The following PCDHGA7 variants were observed in gnomAD, a reference collection of about 807,000 sequenced individuals.
The protein encoded by PCDHGA7 is protocadherin gamma subfamily A, 7.
A neutral mutation model predicts 58.3 loss-of-function variants in PCDHGA7; 44 were observed. That is an observed-to-expected ratio of 0.75 (90% confidence interval 0.59 to 0.97). The LOEUF is 0.97. PCDHGA7 is among the 50% of genes least tolerant of loss of function. The pLI, the probability that PCDHGA7 is intolerant of heterozygous loss-of-function variation, is 0.00. For missense variants in PCDHGA7, 1,266 were observed against 1,188.7 expected (o/e 1.06, Z -0.96); for synonymous variants, 516 against 504.2 (o/e 1.02, Z -0.31).
At chr5:141,440,501 A>G (rs2098183001) in intron 1 of PCDHGA7, 1 of 152,174 alleles carries the variant, frequency 6.6e-6, no homozygotes, top group African/African-American at 2.4e-5. Context: ...TCACATTAAT[A>G]TGGAGATTCA....
At chr5:141,415,747 T>G (rs774746065) in intron 1 of PCDHGA7, 22 of 797,580 alleles carry the variant, frequency 2.8e-5, no homozygotes, top group Middle Eastern at 5.1e-4. Context: ...AAGGTTTTTT[T>G]TTTTTTTTTT....
Position 141,490,027 on chromosome 5 carries a change from CG to C in PCDHGA7, c.2425-4779del. The C allele has an allele frequency of 6.2e-7, 1 of 1,614,214 alleles. No individual in the cohort carries two copies. Among genetic ancestry groups the C allele is most frequent in the Admixed American group, 1.7e-5 (1 of 60,032 alleles). On this transcript the variant is annotated intron_variant, in intron 1 of 3. Transcript: ENST00000518325. The surrounding 1 kb of genome is among the most constrained non-coding windows in gnomAD (Gnocchi z 5.4). Reference sequence around the variant, plus strand: ...TGCACCCATTGGTACTCTGCTGCTCCGCCTCAATGCCACTGATCCAGACGAG... The same window carrying C: ...TGCACCCATTGGTACTCTGCTGCTCCCCTCAATGCCACTGATCCAGACGAG...
chr5:141,395,716 T>C (rs2093303538), intron 1 of PCDHGA7: 1 of 154,332 alleles, frequency 6.5e-6, no homozygotes, highest in Non-Finnish European at 1.4e-5. Context: ...AACTAGGCTC[T>C]TGTAGATTTC....
chr5:141,486,474 C>G lies in PCDHGA7; in HGVS notation c.2425-8333C>G. ...ACTGCTTCTGATGCTGGGAACCCTC[C>G]TCTCAGTACCCACAGAACTATTTTC... On this transcript the variant is annotated intron_variant, in intron 1 of 3. Transcript: ENST00000518325. The surrounding 1 kb of genome is among the most constrained non-coding windows in gnomAD (Gnocchi z 5.0). The G allele has an allele frequency of 6.2e-7, 1 of 1,614,016 alleles. No individual in the cohort carries two copies. Among genetic ancestry groups the G allele is most frequent in the Non-Finnish European group, 8.5e-7 (1 of 1,179,822 alleles).
intron 3 of PCDHGA7, among the ~76,000 whole-genome samples, chr5:141,509,907 C>T (rs149338646): frequency 3.3e-5 from 5 of 152,182 alleles, no homozygotes; most frequent in South Asian, 2.1e-4. Context: ...TTCCAGCATG[C>T]GCTTAGGTAC....
chr5:141,425,714 A>G (rs1259037833), intron 1 of PCDHGA7, among the ~76,000 whole-genome samples: 1 of 152,218 alleles, frequency 6.6e-6, no homozygotes, highest in African/African-American at 2.4e-5. Context: ...AAATTTTCCC[A>G]TACCACTTGA....
chr5:141,476,741 A>G lies in PCDHGA7; in HGVS notation c.2425-18066A>G, dbSNP rs1430298222. On this transcript the variant is annotated intron_variant, in intron 1 of 3. Transcript: ENST00000518325. The surrounding 1 kb of genome is among the most constrained non-coding windows in gnomAD (Gnocchi z 7.6). ...CGCCCTGGACCGAGAACGGGAGCCT[A>G]GTCTCCAGTTAGTGCTGACGGCGTT... The G allele has an allele frequency of 6.2e-7, 1 of 1,613,936 alleles. No individual in the cohort carries two copies. Among genetic ancestry groups the G allele is most frequent in the Non-Finnish European group, 8.5e-7 (1 of 1,180,032 alleles).
At chr5:141,414,622 C>T in intron 1 of PCDHGA7, 1 of 1,613,956 alleles carries the variant, frequency 6.2e-7, no homozygotes. Context: ...AGCGCTGGAC[C>T]CGGACAGCAA....
rs773048793 is a variant in PCDHGA7, at chr5:141,505,456, A to T, written c.2547A>T (p.Gln849His). The T allele has an allele frequency of 1.3e-5, 21 of 1,614,110 alleles. No homozygotes were observed. The highest frequency in any genetic ancestry group is 1.7e-5 in the Non-Finnish European group (20 of 1,180,044). The change falls in exon 3 of 4, where the codon CAA becomes CAT. Residue 849 changes from glutamine (Q) to histidine (H), a missense_variant. By Grantham distance (24) the Gln-to-His change is conservative (BLOSUM62 0). Coordinates refer to ENST00000518325, the MANE Select transcript of PCDHGA7 (RefSeq NM_018920.4). ...ACCAGTTTGACACAGAGATGCTGCA[A>T]GCCATGATCTTGGCGTCCGCCAGTG... ...PNNQFDTEML[Q>H]AMILASASEA...
rs2099643895 is a variant in PCDHGA7 at position 141,487,385 on chromosome 5, C to T, written c.2425-7422C>T. 1.9e-6 allele frequency: 3 copies of T among 1,614,160 alleles called. No homozygotes were observed. The highest frequency in any genetic ancestry group is 1.1e-5 in the South Asian group (1 of 91,086). On this transcript the variant is annotated intron_variant, in intron 1 of 3. Transcript: ENST00000518325. This position sits in a 1 kb window ranked among gnomAD's most constrained non-coding sequence, Gnocchi z 5.0. Reference sequence around the variant, plus strand: ...CACCTGTGCCTGTCTCACCAGATCTCGAAGGAGGGAGGGGCTTCCCCCTTC... The same window carrying T: ...CACCTGTGCCTGTCTCACCAGATCTTGAAGGAGGGAGGGGCTTCCCCCTTC...
intron 1 of PCDHGA7, chr5:141,398,637 T>G: frequency 6.2e-7 from 1 of 1,614,026 alleles, no homozygotes; most frequent in Non-Finnish European, 8.5e-7. Context: ...TGCAGAAGTA[T>G]AAACTCTCTC....
At chr5:141,488,213 C>T (rs1261280988) in intron 1 of PCDHGA7, among the ~76,000 whole-genome samples, 1 of 152,118 alleles carries the variant, frequency 6.6e-6, no homozygotes, top group Non-Finnish European at 1.5e-5. Context: ...CATATCAAGT[C>T]CCTACTGGGG....
intron 2 of PCDHGA7, among the ~76,000 whole-genome samples, chr5:141,497,543 T>C (rs896069181): frequency 4.7e-5 from 7 of 149,068 alleles, no homozygotes; most frequent in Non-Finnish European, 9.0e-5. Context: ...AACAAACCTT[T>C]TTTTTTTTTT....
chr5:141,510,307 G>C (rs1250172295), intron 3 of PCDHGA7, among the ~76,000 whole-genome samples: 1 of 151,446 alleles, frequency 6.6e-6, no homozygotes, highest in African/African-American at 2.4e-5. Context: ...TTTTGAAATG[G>C]AGGCTTGGAA....
At chr5:141,453,087 T>G (rs2098755775) in intron 1 of PCDHGA7, among the ~76,000 whole-genome samples, 1 of 152,150 alleles carries the variant, frequency 6.6e-6, no homozygotes, top group Non-Finnish European at 1.5e-5. Context: ...TTGATTAGTA[T>G]ATTTTCTGTT....
intron 1 of PCDHGA7, among the ~76,000 whole-genome samples, chr5:141,479,060 T>G (rs980468382): frequency 5.9e-5 from 9 of 152,248 alleles, no homozygotes; most frequent in Non-Finnish European, 1.3e-4. Context: ...CAGATAATTT[T>G]TTATGAATGA....
chr5:141,394,239 G>T (rs530540432), intron 1 of PCDHGA7: 1 of 1,613,750 alleles, frequency 6.2e-7, no homozygotes, highest in Non-Finnish European at 8.5e-7. Flanking sequence ...TTCCTTGACT[G>T]CACACGACCC....
At chr5:141,506,669 A>C (rs1293213848) in intron 3 of PCDHGA7, among the ~76,000 whole-genome samples, 1 of 152,198 alleles carries the variant, frequency 6.6e-6, no homozygotes, top group African/African-American at 2.4e-5. Flanking sequence ...GTAAGGGCAC[A>C]ATATATTATT....
chr5:141,446,482 CT>C (rs112180482), intron 1 of PCDHGA7, among the ~76,000 whole-genome samples: 30,290 of 146,632 alleles, frequency 0.21, 3,322 homozygotes, highest in African/African-American at 0.31. Flanking sequence ...GGTCATCATT[CT>C]TTTTTTTTTT....
Sources: gnomAD v4.1 joint callset for allele counts (sites outside exome capture counted in the v4.1 genomes callset) on GRCh38, gnomAD v4.1.1 for gene constraint, Gnocchi (gnomAD v3.1) non-coding constraint, MANE v1.5 for transcripts, NCBI Gene and HGNC (gene_info 2026-07-23, HGNC 2026-07-21) for gene names.